LDB2: variants seen among roughly 807,000 people sequenced by gnomAD.
LDB2 encodes LIM domain-binding protein 2.
In LDB2, 12 loss-of-function variants were observed where a neutral mutation model predicts 44.3. The observed-to-expected ratio is 0.27, with a 90% CI of 0.17 to 0.44. The LOEUF (loss-of-function observed/expected upper bound fraction) is 0.44, where lower values mean the gene tolerates loss of function less well. Among genes scored for constraint, LDB2 ranks in the 20% least tolerant of loss-of-function variants. LDB2 has a pLI of 1.00. For synonymous variants in LDB2, 164 were observed against 174.8 expected, an observed-to-expected ratio of 0.94 and a Z score of 0.49; for missense variants, 344 against 473.5, an observed-to-expected ratio of 0.73 and a Z score of 2.54.
intron 5 of LDB2, among the ~76,000 whole-genome samples, chr4:16,517,750 A>G (rs952093160): frequency 1.3e-5 from 2 of 152,200 alleles, no homozygotes; most frequent in African/African-American, 4.8e-5. Flanking sequence ...ACCTTTTTGC[A>G]GATTTAGTGA....
chr4:16,563,286 G>T (rs936953725), intron 5 of LDB2, among the ~76,000 whole-genome samples: 1 of 151,172 alleles, frequency 6.6e-6, no homozygotes, highest in Admixed American at 6.6e-5. Flanking sequence ...CCAGGATCTC[G>T]TTTCTATCTG....
chr4:16,754,310 T>C (rs563280692), intron 2 of LDB2, among the ~76,000 whole-genome samples: 1 of 152,192 alleles, frequency 6.6e-6, no homozygotes, highest in African/African-American at 2.4e-5. Context: ...TCATATGGAC[T>C]CCCACCTGGC....
At chr4:16,809,260 C>T (rs1343469594) in intron 1 of LDB2, among the ~76,000 whole-genome samples, 1 of 152,194 alleles carries the variant, frequency 6.6e-6, no homozygotes, top group East Asian at 1.9e-4. Context: ...CAGCAGCTAT[C>T]ACTATCCTAA....
At chr4:16,656,826 A>T (rs915195942) in intron 2 of LDB2, among the ~76,000 whole-genome samples, 2 of 152,220 alleles carry the variant, frequency 1.3e-5, no homozygotes, top group African/African-American at 4.8e-5. Context: ...AGCATAATTT[A>T]TGAGGATACC....
chr4:16,829,716 G>T (rs781078309), intron 1 of LDB2, among the ~76,000 whole-genome samples: 15 of 152,268 alleles, frequency 9.9e-5, no homozygotes, highest in African/African-American at 2.6e-4. Context: ...CTAAATAAAT[G>T]ACTTAGGAAT....
At chr4:16,618,069 T>C (rs1026777365) in intron 2 of LDB2, among the ~76,000 whole-genome samples, 7 of 152,202 alleles carry the variant, frequency 4.6e-5, no homozygotes, top group African/African-American at 1.7e-4. Flanking sequence ...CACAGGCCAA[T>C]TCTGTTAGGC....
At chr4:16,554,642 A>G (rs747144681) in intron 5 of LDB2, among the ~76,000 whole-genome samples, 1 of 152,246 alleles carries the variant, frequency 6.6e-6, no homozygotes, top group Admixed American at 6.5e-5. Context: ...GGAACTGTAA[A>G]TGCATATTGC....
chr4:16,812,998 C>G (rs1006980866), intron 1 of LDB2, among the ~76,000 whole-genome samples: 2 of 149,306 alleles, frequency 1.3e-5, no homozygotes, highest in Admixed American at 6.7e-5. Context: ...TCAGTTTACT[C>G]TTTTTTTTTT....
chr4:16,625,566 C>T (rs576574150), intron 2 of LDB2, among the ~76,000 whole-genome samples: 59 of 152,206 alleles, frequency 3.9e-4, no homozygotes, highest in African/African-American at 1.3e-3. Flanking sequence ...CCTAAAAGCC[C>T]GGATGGCCAG....
chr4:16,787,045 A>C (rs541239753), intron 1 of LDB2, among the ~76,000 whole-genome samples: 24 of 152,170 alleles, frequency 1.6e-4, no homozygotes, highest in Non-Finnish European at 3.1e-4. Flanking sequence ...TCAGTCACAA[A>C]ATGGAAATAA....
At chr4:16,630,766 GA>G (rs772709154) in intron 2 of LDB2, among the ~76,000 whole-genome samples, 1 of 151,740 alleles carries the variant, frequency 6.6e-6, no homozygotes, top group African/African-American at 2.4e-5. Flanking sequence ...ATGGAAAGCC[GA>G]AAAAAGCAGG....
intron 2 of LDB2, among the ~76,000 whole-genome samples, chr4:16,642,092 G>C (rs891216356): frequency 2.6e-5 from 4 of 152,132 alleles, no homozygotes; most frequent in African/African-American, 9.7e-5. Context: ...TTCTGAAGTG[G>C]AAAGGAGAGT....
At chr4:16,693,476 C>T (rs1216060577) in intron 2 of LDB2, among the ~76,000 whole-genome samples, 1 of 152,000 alleles carries the variant, frequency 6.6e-6, no homozygotes, top group Non-Finnish European at 1.5e-5. Flanking sequence ...CTGCCTCAGC[C>T]TCCCGAGTAG....
intron 2 of LDB2, among the ~76,000 whole-genome samples, chr4:16,747,649 C>T (rs1764663113): frequency 6.6e-6 from 1 of 152,124 alleles, no homozygotes; most frequent in African/African-American, 2.4e-5. Context: ...CGGACAAATA[C>T]ATCTCTCAGC....
At chr4:16,834,653 C>T (rs1302673860) in intron 1 of LDB2, among the ~76,000 whole-genome samples, 2 of 152,110 alleles carry the variant, frequency 1.3e-5, no homozygotes, top group Non-Finnish European at 2.9e-5. Context: ...ATGCTGAAAC[C>T]CTGTCTCTAC....
chr4:16,807,277 A>C (rs935820691), intron 1 of LDB2, among the ~76,000 whole-genome samples: 3 of 152,252 alleles, frequency 2.0e-5, no homozygotes, highest in Non-Finnish European at 4.4e-5. Flanking sequence ...TGCAATTATT[A>C]TTATATTCAT....
chr4:16,596,003 A>T, intron 2 of LDB2, 128 bp from the exon 3 acceptor site: 1 of 914,436 alleles, frequency 1.1e-6, no homozygotes, highest in Non-Finnish European at 1.6e-6. Flanking sequence ...CAGGAGGCAA[A>T]TTTCTCTTTA....
intron 1 of LDB2, among the ~76,000 whole-genome samples, chr4:16,795,374 C>T (rs1373997163): frequency 6.6e-6 from 1 of 152,186 alleles, no homozygotes; most frequent in African/African-American, 2.4e-5. Flanking sequence ...GATGCGCTCA[C>T]TGCCAGGAAC....
chr4:16,765,800 G>T (rs1217327638), intron 1 of LDB2, among the ~76,000 whole-genome samples: 1 of 152,154 alleles, frequency 6.6e-6, no homozygotes, highest in Non-Finnish European at 1.5e-5. Flanking sequence ...CACAATAATG[G>T]AATGCCCCAG....
Sources: allele counts gnomAD v4.1 joint callset (sites outside exome capture counted in the v4.1 genomes callset), GRCh38; gene constraint gnomAD v4.1.1; transcripts MANE v1.5; gene names NCBI Gene and HGNC (gene_info 2026-07-23, HGNC 2026-07-21).